Variants in TLE4 observed in about 807,000 individuals in gnomAD.
The protein encoded by TLE4 is TLE family member 4, transcriptional corepressor.
TLE4 carries 8 observed loss-of-function variants against 92.8 expected under a neutral mutation model. That is an observed-to-expected ratio of 0.09 (90% CI 0.05 to 0.16). TLE4 has a LOEUF of 0.16. Among genes scored for constraint, TLE4 ranks in the 10% least tolerant of loss-of-function variants. The pLI is 1.00. For synonymous variants in TLE4, 371 were observed against 374.1 expected (o/e 0.99, Z 0.10); for missense variants, 675 against 997.6 (o/e 0.68, Z 4.36).
chr9:79,715,784 C>T (rs2074379260), intron 14 of TLE4, among the ~76,000 whole-genome samples: 1 of 152,096 alleles, frequency 6.6e-6, no homozygotes, highest in South Asian at 2.1e-4. Flanking sequence ...TCTTGGACCC[C>T]CTCATCTCTA....
chr9:79,628,460 T>G (rs1293838812), intron 6 of TLE4, among the ~76,000 whole-genome samples: 4 of 152,162 alleles, frequency 2.6e-5, no homozygotes, highest in African/African-American at 4.8e-5. Flanking sequence ...CAATTATTCC[T>G]CTGTCTTTTA....
intron 8 of TLE4, among the ~76,000 whole-genome samples, chr9:79,676,708 G>T (rs922756172): frequency 1.3e-5 from 2 of 152,090 alleles, no homozygotes; most frequent in African/African-American, 4.8e-5. Context: ...TATCTATGAC[G>T]TCTGTTCTCT....
intron 8 of TLE4, among the ~76,000 whole-genome samples, chr9:79,683,426 T>C (rs560783795): frequency 4.2e-4 from 64 of 152,322 alleles, no homozygotes; most frequent in African/African-American, 1.5e-3. Flanking sequence ...TATTCAGGTG[T>C]GGAGAGAACC....
chr9:79,706,594 G>A (rs570125717), intron 10 of TLE4, among the ~76,000 whole-genome samples, 153 bp from the exon 11 acceptor site: 7 of 152,008 alleles, frequency 4.6e-5, no homozygotes, highest in African/African-American at 1.4e-4. Flanking sequence ...GAATATTTTC[G>A]TTAGTAGTTT....
chr9:79,651,066 T>TCTCTCTCTCTCTCTGTCC, intron 6 of TLE4, among the ~76,000 whole-genome samples: 1 of 148,942 alleles, frequency 6.7e-6, no homozygotes, highest in African/African-American at 2.5e-5. Flanking sequence ...TCTCTCTCTC[T>TCTCTCTCTCTCTCTGTCC]CTGTCCCTGT....
rs2134548439 is a variant in TLE4, at chr9:79,663,907, T to C, written c.609+9832T>C. 2.0e-5 allele frequency among the ~76,000 whole-genome samples: 3 copies of C among 152,350 alleles called. 1 individual carries two copies. Among genetic ancestry groups the C allele is most frequent in the African/African-American group, 7.2e-5 (3 of 41,578 alleles). On this transcript the variant is annotated intron_variant, in intron 8 of 19. Transcript: ENST00000376552. ...CTTCAGAAAAGCCACACTATTATTA[T>C]GCAGCGTTTCTCGGACTATAGTCCC...
intron 8 of TLE4, among the ~76,000 whole-genome samples, chr9:79,670,862 C>T (rs949572298): frequency 2.0e-5 from 3 of 151,718 alleles, no homozygotes; most frequent in Non-Finnish European, 2.9e-5. Context: ...TATAGTAGGT[C>T]CTTATTGGTT....
chr9:79,675,336 T>C (rs1297131677), intron 8 of TLE4, among the ~76,000 whole-genome samples: 2 of 152,132 alleles, frequency 1.3e-5, no homozygotes, highest in African/African-American at 2.4e-5. Flanking sequence ...CTTAGTACCT[T>C]AGTTGGGTGG....
At chr9:79,599,027 C>T (rs184488658) in intron 4 of TLE4, among the ~76,000 whole-genome samples, 100 of 152,252 alleles carry the variant, frequency 6.6e-4, no homozygotes, top group Non-Finnish European at 1.1e-3. Flanking sequence ...CTCCATCTTT[C>T]CTCTTGTGGT....
At chr9:79,720,377 GGTGT>G (rs71364488) in intron 16 of TLE4, 84 bp downstream of exon 16, 27,853 of 302,492 alleles carry the variant, frequency 0.092, 293 homozygotes, top group Admixed American at 0.15. Context: ...TATAGGTATG[GGTGT>G]GTGTGTGTGT....
At chr9:79,661,461 TAGAG>T (rs748394368) in intron 8 of TLE4, among the ~76,000 whole-genome samples, 3 of 152,200 alleles carry the variant, frequency 2.0e-5, no homozygotes, top group Non-Finnish European at 2.9e-5. Flanking sequence ...ATTTTGGACT[TAGAG>T]AGTCATATCT....
chr9:79,671,420 G>A (rs2062332039), intron 8 of TLE4: 3 of 343,922 alleles, frequency 8.7e-6, no homozygotes, highest in Admixed American at 3.3e-5. Context: ...TTTTTGCAGA[G>A]AGCCTCTTTT....
chr9:79,584,388 T>C (rs531260338), intron 4 of TLE4, among the ~76,000 whole-genome samples: 2 of 152,324 alleles, frequency 1.3e-5, no homozygotes, highest in Non-Finnish European at 2.9e-5. Flanking sequence ...TATTGAAATA[T>C]AAAGCCAAGG....
rs900780678 is a variant in TLE4 at position 79,596,262 on chromosome 9, G to T, written c.253-16394G>T. On this transcript the variant is annotated intron_variant, in intron 4 of 19. Transcript: ENST00000376552. ...TCTGAGAAGCTTTAAAATTAAGCCT[G>T]CCTCGCCTCCTCCTGCCTGATGATA... Among the ~76,000 whole-genome samples, 7 of 152,062 alleles carry T rather than the reference G, an allele frequency of 4.6e-5. No individual in the cohort carries two copies. The East Asian group carries it at 7.7e-4, about 17-fold the overall frequency.
intron 4 of TLE4, among the ~76,000 whole-genome samples, chr9:79,603,592 T>A (rs1239538855): frequency 6.6e-6 from 1 of 152,180 alleles, no homozygotes; most frequent in Non-Finnish European, 1.5e-5. Flanking sequence ...TGTACTATAC[T>A]GTAGTACACA....
At chr9:79,586,817 T>A (rs2041223489) in intron 4 of TLE4, among the ~76,000 whole-genome samples, 1 of 152,226 alleles carries the variant, frequency 6.6e-6, no homozygotes, top group Non-Finnish European at 1.5e-5. Context: ...TTTTTTATTT[T>A]TAATTTTTAA....
At chr9:79,647,530 T>TA (rs2058279799) in intron 6 of TLE4, among the ~76,000 whole-genome samples, 1 of 152,184 alleles carries the variant, frequency 6.6e-6, no homozygotes, top group Admixed American at 6.5e-5. Context: ...AGAATAGGCT[T>TA]ATAGTACAAG....
intron 8 of TLE4, among the ~76,000 whole-genome samples, chr9:79,703,595 T>G (rs1308932271): frequency 6.6e-6 from 1 of 152,152 alleles, no homozygotes; most frequent in East Asian, 1.9e-4. Flanking sequence ...CCCACGTCTC[T>G]TGTGTGTATA....
At chr9:79,659,430 T>A (rs952941369) in intron 8 of TLE4, among the ~76,000 whole-genome samples, 1 of 152,106 alleles carries the variant, frequency 6.6e-6, no homozygotes, top group African/African-American at 2.4e-5. Flanking sequence ...CCATAATGCC[T>A]TTAATCACTT....
Sources: allele counts gnomAD v4.1 joint callset (sites outside exome capture counted in the v4.1 genomes callset), GRCh38; gene constraint gnomAD v4.1.1; transcripts MANE v1.5; gene names NCBI Gene and HGNC (gene_info 2026-07-23, HGNC 2026-07-21).